The following SLC5A11 variants were observed in gnomAD, a reference collection of about 807,000 sequenced individuals.
SLC5A11 encodes solute carrier family 5 member 11, also known as sodium/myo-inositol cotransporter 2.
Under a neutral mutation model 69.8 loss-of-function variants are expected in SLC5A11, and 48 were observed. The ratio of observed to expected loss-of-function variants is 0.69; its 90% CI spans 0.55 to 0.87. The LOEUF (loss-of-function observed/expected upper bound fraction) is 0.87, where lower values mean the gene tolerates loss of function less well. Among genes scored for constraint, SLC5A11 ranks in the 40% least tolerant of loss-of-function variants. The probability of loss-of-function intolerance (pLI) is 0.00; values close to 1 mark genes in which losing one functional copy is unlikely to be tolerated. For missense variants in SLC5A11, 784 were observed against 866.1 expected (o/e 0.91, Z 1.19); for synonymous variants, 319 against 342.4 (o/e 0.93, Z 0.75).
At chr16:24,904,512 C>A (rs944269545) in intron 10 of SLC5A11, among the ~76,000 whole-genome samples, 1 of 152,106 alleles carries the variant, frequency 6.6e-6, no homozygotes, top group East Asian at 1.9e-4. Flanking sequence ...TGATGTTAAG[C>A]ATTTTTTCCT....
At chr16:24,876,422 G>A (rs988565720) in intron 6 of SLC5A11, among the ~76,000 whole-genome samples, 1 of 152,070 alleles carries the variant, frequency 6.6e-6, no homozygotes, top group Non-Finnish European at 1.5e-5. Flanking sequence ...TTGGCTGATT[G>A]CGCTGCCCCA....
chr16:24,849,305 C>T (rs1179196166), intron 1 of SLC5A11, among the ~76,000 whole-genome samples: 6 of 151,966 alleles, frequency 3.9e-5, no homozygotes, highest in South Asian at 2.1e-4. Context: ...CGGTGGCTCA[C>T]GCCTGTAATC....
intron 2 of SLC5A11, among the ~76,000 whole-genome samples, chr16:24,858,996 T>C (rs757938188): frequency 1.3e-5 from 2 of 152,214 alleles, no homozygotes; most frequent in Non-Finnish European, 2.9e-5. Flanking sequence ...ACATTTCTCA[T>C]GTAATTTTCA....
intron 4 of SLC5A11, among the ~76,000 whole-genome samples, chr16:24,870,448 C>A (rs2047215632): frequency 6.6e-6 from 1 of 150,836 alleles, no homozygotes; most frequent in South Asian, 2.1e-4. Flanking sequence ...AAAAAACACA[C>A]ACACACACAC....
intron 8 of SLC5A11, among the ~76,000 whole-genome samples, chr16:24,884,967 AC>A (rs1645212762): frequency 6.6e-6 from 1 of 151,850 alleles, no homozygotes; most frequent in African/African-American, 2.4e-5. Flanking sequence ...GGTTTCAAAC[AC>A]CTGGGCTCAA....
intron 1 of SLC5A11, among the ~76,000 whole-genome samples, chr16:24,850,224 A>G (rs2059241685): frequency 6.6e-6 from 1 of 152,178 alleles, no homozygotes; most frequent in Admixed American, 6.5e-5. Flanking sequence ...TGCTGGGATT[A>G]TAGGCATGAG....
At chr16:24,897,394 T>A (rs2049260244) in intron 9 of SLC5A11, among the ~76,000 whole-genome samples, 2 of 152,038 alleles carry the variant, frequency 1.3e-5, no homozygotes, top group African/African-American at 4.8e-5. Context: ...GCGTAACCCC[T>A]GGATAAAAGA....
exon 10 of SLC5A11, chr16:24,897,998 G>A: frequency 6.2e-7 from 1 of 1,614,118 alleles, no homozygotes; most frequent in Non-Finnish European, 8.5e-7. Flanking sequence ...GACTCTGGCT[G>A]CCAAGAACCT....
At chr16:24,876,263 C>T (rs2047667537) in intron 6 of SLC5A11, among the ~76,000 whole-genome samples, 1 of 151,862 alleles carries the variant, frequency 6.6e-6, no homozygotes, top group Admixed American at 6.6e-5. Context: ...GAAGGACTTT[C>T]TCTCCTACTC....
intron 9 of SLC5A11, among the ~76,000 whole-genome samples, chr16:24,896,123 G>A (rs933214335): frequency 1.3e-4 from 19 of 151,948 alleles, no homozygotes; most frequent in African/African-American, 4.6e-4. Context: ...GGAGGCTGAG[G>A]CAGGAGGGTT....
At chr16:24,899,906 G>A (rs142570421) in intron 10 of SLC5A11, among the ~76,000 whole-genome samples, 64 of 152,132 alleles carry the variant, frequency 4.2e-4, no homozygotes, top group African/African-American at 1.4e-3. Flanking sequence ...GTCTCACTGT[G>A]TTGCCCAGGC....
intron 3 of SLC5A11, among the ~76,000 whole-genome samples, chr16:24,864,938 A>G (rs1239066302): frequency 1.3e-5 from 2 of 152,164 alleles, no homozygotes; most frequent in Non-Finnish European, 2.9e-5. Context: ...AGATAGATTA[A>G]TTGAGATTAT....
intron 6 of SLC5A11, among the ~76,000 whole-genome samples, chr16:24,876,223 A>C (rs2047665162): frequency 6.6e-6 from 1 of 151,502 alleles, no homozygotes; most frequent in African/African-American, 2.4e-5. Context: ...AAAAAAGAAG[A>C]AATTGGGAGA....
At chr16:24,906,610 C>A in intron 10 of SLC5A11, 47 bp from the exon 12 acceptor site, 1 of 1,334,752 alleles carries the variant, frequency 7.5e-7, no homozygotes, top group Non-Finnish European at 1.0e-6. Context: ...GGGCCTGGGG[C>A]TCTGGGGGCC....
chr16:24,889,433 G>T (rs2048619528), intron 8 of SLC5A11, among the ~76,000 whole-genome samples: 1 of 151,734 alleles, frequency 6.6e-6, no homozygotes, highest in African/African-American at 2.4e-5. Flanking sequence ...AGTGAGCTAT[G>T]ATTGTAGCAC....
intron 7 of SLC5A11, among the ~76,000 whole-genome samples, chr16:24,879,766 A>G (rs1363250288): frequency 6.6e-6 from 1 of 152,168 alleles, no homozygotes; most frequent in Non-Finnish European, 1.5e-5. Context: ...AAATAAACAA[A>G]TAAGTGAGTG....
Position 24,869,900 on chromosome 16 carries a change from G to A in SLC5A11, c.208-1G>A. 1 of 1,613,204 alleles carries A rather than the reference G, an allele frequency of 6.2e-7. No homozygotes were observed. Among genetic ancestry groups the A allele is most frequent in the Non-Finnish European group, 8.5e-7 (1 of 1,179,152 alleles). ...GATCTGACCCGTCCATCTCCCCACA[G>A]GTGGGTGCATCCTTGTTTGCCAGCA... On this transcript the variant is annotated splice_acceptor_variant, in intron 3 of 15. Transcript: ENST00000347898. LOFTEE classifies it high-confidence loss of function.
chr16:24,911,301 G>A (rs201469748), intron 15 of SLC5A11, 27 bp from the exon 17 acceptor site: 41 of 1,611,464 alleles, frequency 2.5e-5, no homozygotes, highest in African/African-American at 1.6e-4. Flanking sequence ...CCACCTCTAC[G>A]GTCTTCCTTT....
intron 1 of SLC5A11, among the ~76,000 whole-genome samples, chr16:24,852,273 G>A (rs2059347276): frequency 2.0e-5 from 3 of 152,098 alleles, no homozygotes; most frequent in Admixed American, 2.0e-4. Flanking sequence ...CCACACCTGT[G>A]ACCTGGGAAC....
Sources: gnomAD v4.1 joint callset for allele counts (sites outside exome capture counted in the v4.1 genomes callset) on GRCh38, gnomAD v4.1.1 for gene constraint, MANE v1.5 for transcripts, NCBI Gene and HGNC (gene_info 2026-07-23, HGNC 2026-07-21) for gene names.